Variants in EED observed in about 807,000 individuals in gnomAD.
The protein encoded by EED is polycomb protein EED.
In EED, 9 loss-of-function variants were observed where a neutral mutation model predicts 61.0. The observed-to-expected ratio is 0.15, with a 90% CI of 0.09 to 0.26. EED has a LOEUF of 0.26. EED is among the 10% of genes least tolerant of loss of function. EED has a pLI of 1.00. For synonymous variants in EED, 187 were observed against 174.4 expected (o/e 1.07, Z -0.57); for missense variants, 315 against 542.3 (o/e 0.58, Z 4.16).
intron 8 of EED, among the ~76,000 whole-genome samples, chr11:86,266,659 A>T (rs1216901679): frequency 6.6e-6 from 1 of 152,134 alleles, no homozygotes; most frequent in African/African-American, 2.4e-5. Context: ...CTAATTCATG[A>T]TAATGTTTTT....
downstream of EED, chr11:86,278,891 G>A (rs186024734): frequency 4.3e-5 from 8 of 186,368 alleles, no homozygotes; most frequent in East Asian, 5.4e-4. Flanking sequence ...GAACTAAAGT[G>A]AATTCAAATC....
chr11:86,262,198 A>G (rs1361597757), intron 6 of EED, among the ~76,000 whole-genome samples: 2 of 151,270 alleles, frequency 1.3e-5, no homozygotes, highest in African/African-American at 4.9e-5. Flanking sequence ...TTTTTTCTTT[A>G]CATGGCCAGG....
downstream of EED, among the ~76,000 whole-genome samples, chr11:86,281,346 T>C (rs1341121041): frequency 6.6e-6 from 1 of 152,202 alleles, no homozygotes; most frequent in African/African-American, 2.4e-5. Context: ...ATTTGAGTCC[T>C]TTTTTTCTTA....
rs1218882175 is a variant in EED, at chr11:86,245,277, T to A, written c.48T>A (p.Pro16=). 5 of 1,613,342 alleles carry A rather than the reference T, an allele frequency of 3.1e-6. No individual in the cohort carries two copies. The African/African-American group carries it at 6.7e-5, about 22-fold the overall frequency. ...VSTAPAGTDM[P]AAKKQKLSSD... ...CTGCGCCGGCGGGAACAGACATGCCTGCGGCCAAGAAGCAGAAGCTGAGCA... is the reference window on the plus strand; with the variant it reads ...CTGCGCCGGCGGGAACAGACATGCCAGCGGCCAAGAAGCAGAAGCTGAGCA... The change falls in exon 1 of 12, where the codon CCT becomes CCA. Residue 16 remains proline (P), a synonymous_variant. Transcript: ENST00000263360.
chr11:86,278,063 T>G, intron 11 of EED, 72 bp downstream of exon 11: 3 of 1,406,984 alleles, frequency 2.1e-6, no homozygotes, highest in Non-Finnish European at 2.8e-6. Flanking sequence ...GTAGAGAAGA[T>G]CATTTATATT....
intron 1 of EED, among the ~76,000 whole-genome samples, chr11:86,250,076 G>A (rs780076865): frequency 1.1e-4 from 16 of 152,144 alleles, no homozygotes; most frequent in Non-Finnish European, 2.1e-4. Context: ...ATTCTCATTA[G>A]TATTTATTTC....
At chr11:86,261,182 C>T (rs1382135340) in intron 6 of EED, among the ~76,000 whole-genome samples, 2 of 152,180 alleles carry the variant, frequency 1.3e-5, no homozygotes, top group Non-Finnish European at 2.9e-5. Context: ...AATCAGGCAT[C>T]TTATCTATTT....
intron 5 of EED, 59 bp downstream of exon 5, chr11:86,256,571 TTGTAA>T: frequency 2.1e-6 from 3 of 1,432,048 alleles, no homozygotes; most frequent in South Asian, 1.6e-5. Context: ...CTGTAAAAAC[TTGTAA>T]TGTTAAATTT....
chr11:86,274,467 C>A (rs1311065961), intron 9 of EED, among the ~76,000 whole-genome samples: 1 of 152,036 alleles, frequency 6.6e-6, no homozygotes. Context: ...AGACTCTGGA[C>A]CTTATTTAGA....
chr11:86,245,046 C>G lies in EED; in HGVS notation c.-184C>G. 1 of 503,960 alleles carries G rather than the reference C, an allele frequency of 2.0e-6. No individual in the cohort carries two copies. The allele number at this position is 503,960 out of a possible 1,614,324, so 31.2% of individuals were successfully genotyped here. ...GCGCGCGCGCGCGCCCCTTTTTCAG[C>G]AGTGTGGCGGGGTCGCACGCACGCC... On this transcript the variant is annotated 5_prime_UTR_variant, in exon 1 of 12. Transcript: ENST00000263360.
At chr11:86,251,751 A>G (rs1159739860) in intron 2 of EED, among the ~76,000 whole-genome samples, 1 of 152,234 alleles carries the variant, frequency 6.6e-6, no homozygotes, top group African/African-American at 2.4e-5. Context: ...AGTGAATGCC[A>G]GAGAAGCTAT....
intron 11 of EED, 103 bp downstream of exon 11, chr11:86,278,094 A>G: frequency 7.3e-7 from 1 of 1,376,948 alleles, no homozygotes; most frequent in Non-Finnish European, 9.4e-7. Context: ...TCCTTAAGTC[A>G]TTTTTAACAT....
the EED span, chr11:86,284,668 G>A: frequency 6.6e-6 from 1 of 152,230 alleles, no homozygotes; most frequent in African/African-American, 2.4e-5. Flanking sequence ...TATTCCTGGA[G>A]CCCCCTGTAC....
chr11:86,254,691 C>T (rs978780147), intron 3 of EED, among the ~76,000 whole-genome samples: 9 of 150,082 alleles, frequency 6.0e-5, no homozygotes, highest in East Asian at 2.0e-4. Context: ...GGTGCAATCT[C>T]GGCTCACTGC....
At chr11:86,276,826 A>G (rs1049712716) in intron 9 of EED, 154 bp from the exon 10 acceptor site, 11 of 498,430 alleles carry the variant, frequency 2.2e-5, no homozygotes, top group Non-Finnish European at 3.5e-5. Flanking sequence ...CATTGACTGT[A>G]AATATAAATG....
intron 6 of EED, among the ~76,000 whole-genome samples, chr11:86,262,569 C>T (rs1303880868): frequency 1.3e-5 from 2 of 152,092 alleles, no homozygotes; most frequent in African/African-American, 4.8e-5. Context: ...TGCTGTGAGA[C>T]GATTCAGCAT....
rs375374066 is a variant in EED at position 86,268,574 on chromosome 11, C to T, written c.966+13C>T. ...GATACTTTCTAAGGTATGGTAACTG[C>T]AGTTAAGCTGTACTTCCATCGTGTG... is the stretch of plus-strand genomic sequence containing the variant. On this transcript the variant is annotated intron_variant, in intron 9 of 11. Transcript: ENST00000263360. The T allele has an allele frequency of 9.1e-6, 14 of 1,546,226 alleles. No individual in the cohort carries two copies. The highest frequency in any genetic ancestry group is 2.8e-5 in the African/African-American group (2 of 71,832).
intron 1 of EED, among the ~76,000 whole-genome samples, chr11:86,247,784 C>T (rs1436778403): frequency 6.6e-6 from 1 of 152,154 alleles, no homozygotes; most frequent in African/African-American, 2.4e-5. Flanking sequence ...CAAATAATGG[C>T]AAAAGGCCAA....
At chr11:86,268,619 G>GTGTT (rs1565700872) in intron 9 of EED, 58 bp downstream of exon 9, 1 of 1,127,026 alleles carries the variant, frequency 8.9e-7, no homozygotes, top group African/African-American at 1.6e-5. Flanking sequence ...GTGTGTGTGT[G>GTGTT]TGTGTGTATG....
Sources: allele counts gnomAD v4.1 joint callset (sites outside exome capture counted in the v4.1 genomes callset), GRCh38; gene constraint gnomAD v4.1.1; transcripts MANE v1.5; gene names NCBI Gene and HGNC (gene_info 2026-07-23, HGNC 2026-07-21).